The following KATNA1 variants were observed in gnomAD, a reference collection of about 807,000 sequenced individuals.
The protein encoded by KATNA1 is katanin catalytic subunit A1, also known as katanin p60 ATPase-containing subunit A1.
In KATNA1, 42 loss-of-function variants were observed where a neutral mutation model predicts 62.6. That is an observed-to-expected ratio of 0.67 (90% CI 0.52 to 0.87). The LOEUF is 0.87. Among genes scored for constraint, KATNA1 ranks in the 40% least tolerant of loss-of-function variants. The pLI is 0.00. For synonymous variants in KATNA1, 186 were observed against 201.9 expected (o/e 0.92, Z 0.67); for missense variants, 498 against 612.5 (o/e 0.81, Z 1.97).
rs1055618706 is a variant in KATNA1 at position 149,639,124 on chromosome 6, A to T, written c.-13-564T>A. Among the ~76,000 whole-genome samples the T allele has an allele frequency of 8.6e-5, 13 of 151,438 alleles. No individual in the cohort carries two copies. The South Asian group carries it at 2.7e-3, about 32-fold the overall frequency. Reference sequence around the variant, plus strand: ...AGACCAGCCTGGCCAATATGGCGAAACCCTGTCTCTACTAAAATGTAAAAA... The same window carrying T: ...AGACCAGCCTGGCCAATATGGCGAATCCCTGTCTCTACTAAAATGTAAAAA... On this transcript the variant is annotated intron_variant, in intron 1 of 10. Transcript: ENST00000367411.
intron 4 of KATNA1, among the ~76,000 whole-genome samples, chr6:149,621,519 G>C (rs1241710161): frequency 6.7e-6 from 1 of 149,900 alleles, no homozygotes; most frequent in African/African-American, 2.5e-5. Flanking sequence ...TTGAGACTGA[G>C]TCTCGCTCTG....
At chr6:149,637,458 C>T (rs1175198368) in intron 2 of KATNA1, among the ~76,000 whole-genome samples, 6 of 152,054 alleles carry the variant, frequency 3.9e-5, no homozygotes, top group South Asian at 2.1e-4. Context: ...TTTACAGTTT[C>T]GACAATGGCT....
chr6:149,639,404 T>C (rs1017063937), intron 1 of KATNA1, among the ~76,000 whole-genome samples: 2 of 150,508 alleles, frequency 1.3e-5, no homozygotes, highest in African/African-American at 4.9e-5. Context: ...ATCAAGACCA[T>C]CCTGGCCAAC....
At chr6:149,626,599 A>G (rs1779619703) in intron 3 of KATNA1, among the ~76,000 whole-genome samples, 1 of 150,750 alleles carries the variant, frequency 6.6e-6, no homozygotes, top group South Asian at 2.1e-4. Context: ...ACTTTTACAT[A>G]CAATGTTACA....
chr6:149,598,241 A>G lies in KATNA1; in HGVS notation c.998T>C (p.Leu333Pro). ...ACAGATACCATCCATCTGAACCAGC[A>G]GCTCCGCTTTCACCCTTCTGCTTGC... is the stretch of plus-strand genomic sequence containing the variant. Reference protein sequence around the residue: ...HEASRRVKAELLVQMDGVGGT... With the variant: ...HEASRRVKAEPLVQMDGVGGT... Residue 333 changes from leucine (L) to proline (P), a missense_variant, in exon 8 of 11, where the codon CTG becomes CCG. By Grantham distance (98) the Leu-to-Pro change is moderately conservative (BLOSUM62 -3). Transcript: ENST00000367411. 1 of 1,614,036 alleles carries G rather than the reference A, an allele frequency of 6.2e-7. No individual in the cohort carries two copies. The highest frequency in any genetic ancestry group is 8.5e-7 in the Non-Finnish European group (1 of 1,180,008).
At chr6:149,645,672 C>T (rs1780459164) in intron 1 of KATNA1, among the ~76,000 whole-genome samples, 1 of 152,134 alleles carries the variant, frequency 6.6e-6, no homozygotes, top group Admixed American at 6.5e-5. Flanking sequence ...ATTATTCTAA[C>T]AGAACCACCC....
chr6:149,604,536 C>CA, intron 5 of KATNA1, 125 bp downstream of exon 5: 1 of 999,962 alleles, frequency 1.0e-6, no homozygotes, highest in Non-Finnish European at 1.5e-6. Flanking sequence ...GGAAGTCATG[C>CA]TCACGCTGCA....
intron 1 of KATNA1, among the ~76,000 whole-genome samples, chr6:149,648,102 T>C (rs1035436815): frequency 2.0e-5 from 3 of 152,062 alleles, no homozygotes; most frequent in East Asian, 1.9e-4. Flanking sequence ...CCCAATGTCA[T>C]GGCCATCGGG....
At chr6:149,609,206 T>A (rs1778852461) in intron 4 of KATNA1, among the ~76,000 whole-genome samples, 1 of 152,058 alleles carries the variant, frequency 6.6e-6, no homozygotes, top group African/African-American at 2.4e-5. Context: ...AAAGACTCCA[T>A]GCCAACACAC....
chr6:149,630,219 A>G (rs1396623499), intron 3 of KATNA1, among the ~76,000 whole-genome samples: 1 of 152,246 alleles, frequency 6.6e-6, no homozygotes, highest in East Asian at 1.9e-4. Flanking sequence ...CTATAACAAG[A>G]AATGTAATTA....
intron 1 of KATNA1, among the ~76,000 whole-genome samples, chr6:149,644,809 T>C (rs1241433336): frequency 6.6e-6 from 1 of 152,118 alleles, no homozygotes; most frequent in Non-Finnish European, 1.5e-5. Flanking sequence ...TAGAAGCCAA[T>C]GAATTGATAT....
intron 1 of KATNA1, among the ~76,000 whole-genome samples, chr6:149,645,349 A>G (rs894124492): frequency 7.9e-5 from 12 of 151,960 alleles, no homozygotes; most frequent in African/African-American, 2.7e-4. Context: ...AGGCTGAGGC[A>G]GGAGAATGGC....
intron 2 of KATNA1, among the ~76,000 whole-genome samples, chr6:149,633,435 T>A (rs1166795833): frequency 6.6e-6 from 1 of 151,994 alleles, no homozygotes; most frequent in Non-Finnish European, 1.5e-5. Context: ...TCTGATAAAA[T>A]GAATTAAAAC....
intron 8 of KATNA1, chr6:149,598,011 GC>G (rs1778393440): frequency 1.9e-6 from 1 of 528,670 alleles, no homozygotes; most frequent in East Asian, 3.1e-5. Context: ...CCTGTGTGTG[GC>G]CATTAATTCT....
At chr6:149,632,288 T>A (rs1207728860) in intron 3 of KATNA1, among the ~76,000 whole-genome samples, 1 of 149,992 alleles carries the variant, frequency 6.7e-6, no homozygotes, top group Non-Finnish European at 1.5e-5. Context: ...GGCAGGGAAG[T>A]CACTTGAACC....
chr6:149,621,861 T>G (rs994634954), intron 4 of KATNA1, among the ~76,000 whole-genome samples: 1 of 152,034 alleles, frequency 6.6e-6, no homozygotes, highest in African/African-American at 2.4e-5. Flanking sequence ...CTGAGGAATA[T>G]TCCACAAAAT....
chr6:149,638,310 C>G, intron 2 of KATNA1, 76 bp downstream of exon 2: 2 of 1,320,888 alleles, frequency 1.5e-6, no homozygotes, highest in South Asian at 1.3e-5. Context: ...TAACTACATA[C>G]AGCATTGACA....
intron 3 of KATNA1, among the ~76,000 whole-genome samples, chr6:149,630,345 G>C (rs1420443282): frequency 6.6e-6 from 1 of 152,198 alleles, no homozygotes; most frequent in Non-Finnish European, 1.5e-5. Flanking sequence ...AATAAAAGTT[G>C]CGGCTGGGTG....
chr6:149,604,768 A>G lies in KATNA1; in HGVS notation c.516T>C (p.Ala172=), dbSNP rs1778672803. 6.2e-7 allele frequency: 1 copy of G among 1,613,674 alleles called. No individual in the cohort carries two copies. ...TATTTGTCTCTGGTTCTGTTACTGCAGCAGGTGATTTGTTCTACATGAAGA... is the reference window on the plus strand; with the variant it reads ...TATTTGTCTCTGGTTCTGTTACTGCGGCAGGTGATTTGTTCTACATGAAGA... The part of the protein sequence containing the change: ...KGREEKNKSP[A]AVTEPETNKF... The change falls in exon 5 of 11, where the codon GCT becomes GCC. Residue 172 remains alanine (A), a synonymous_variant. Coordinates refer to ENST00000367411, the MANE Select transcript of KATNA1 (RefSeq NM_007044.4).
Sources: allele counts gnomAD v4.1 joint callset (sites outside exome capture counted in the v4.1 genomes callset), GRCh38; gene constraint gnomAD v4.1.1; transcripts MANE v1.5; gene names NCBI Gene and HGNC (gene_info 2026-07-23, HGNC 2026-07-21).